GNS: variants seen among roughly 807,000 people sequenced by gnomAD.
GNS encodes the protein glucosamine (N-acetyl)-6-sulfatase.
A neutral mutation model predicts 69.7 loss-of-function variants in GNS; 40 were observed. The ratio of observed to expected loss-of-function variants is 0.57; its 90% CI spans 0.45 to 0.75. The LOEUF is 0.75. GNS is among the 30% of genes least tolerant of loss of function. The probability of loss-of-function intolerance (pLI) is 0.00; values close to 1 mark genes in which losing one functional copy is unlikely to be tolerated. For missense variants in GNS, 565 were observed against 685.5 expected (o/e 0.82, Z 1.96); for synonymous variants, 243 against 251.6 (o/e 0.97, Z 0.32).
chr12:64,729,837 C>G (rs542416457), intron 9 of GNS, among the ~76,000 whole-genome samples: 2 of 152,146 alleles, frequency 1.3e-5, no homozygotes, highest in Admixed American at 1.3e-4. Flanking sequence ...ACAGGTAAAA[C>G]TGTATATATT....
chr12:64,754,609 C>A (rs576325100), intron 1 of GNS, among the ~76,000 whole-genome samples: 5 of 152,120 alleles, frequency 3.3e-5, no homozygotes, highest in Non-Finnish European at 7.4e-5. Flanking sequence ...AGACTTTAGG[C>A]CCGGTGCAGT....
chr12:64,759,247 C>T lies in GNS; in HGVS notation c.30G>A (p.Arg10=), dbSNP rs753033310. ...GGTGGCGGGGGCTGCCCCGCCGGAG[C>T]CGACCTGGGGCTAGAGGCAGGAGCC... is the stretch of plus-strand genomic sequence containing the variant. MRLLPLAPG[R]LRRGSPRHLP... Residue 10 remains arginine, a synonymous_variant, in exon 1 of 14, where the codon CGG becomes CGA. Transcript: ENST00000258145. 1.5e-4 allele frequency: 234 copies of T among 1,541,278 alleles called. 1 individual carries two copies. The highest frequency in any genetic ancestry group is 1.9e-4 in the Non-Finnish European group (218 of 1,142,938).
intron 2 of GNS, among the ~76,000 whole-genome samples, chr12:64,750,450 C>T (rs947398156): frequency 6.6e-6 from 1 of 152,150 alleles, no homozygotes; most frequent in African/African-American, 2.4e-5. Context: ...CCTGCCTCAG[C>T]CTCCTAACAT....
intron 8 of GNS, 70 bp from the exon 9 acceptor site, chr12:64,737,177 T>C: frequency 4.6e-6 from 4 of 869,018 alleles, no homozygotes; most frequent in Non-Finnish European, 7.9e-6. Context: ...GTTTCACTCA[T>C]TTAATCCACA....
chr12:64,752,013 C>CTCT (rs1289627868), intron 2 of GNS, among the ~76,000 whole-genome samples: 1 of 150,678 alleles, frequency 6.6e-6, no homozygotes, highest in Non-Finnish European at 1.5e-5. Context: ...GATAGAAGTG[C>CTCT]TCTACACCTA....
intron 2 of GNS, among the ~76,000 whole-genome samples, chr12:64,751,715 G>A (rs1375175502): frequency 5.9e-5 from 9 of 152,040 alleles, no homozygotes; most frequent in African/African-American, 1.4e-4. Context: ...GGCTGGGTGC[G>A]GTAGTTCATG....
In GNS at chr12:64,720,026, G is replaced by A. The variant is rs756948381; in HGVS notation, c.1576C>T (p.Pro526Ser). The change falls in exon 13 of 14, where the codon CCC becomes TCC. Residue 526 changes from proline (P) to serine (S), a missense_variant. Physicochemically the swap from Pro to Ser is moderately conservative, Grantham distance 74. Around this residue, in one of 2 missense-constraint regions of GNS, gnomAD observed 384 missense variants for 511.0 expected, o/e 0.75. Coordinates refer to ENST00000258145, the MANE Select transcript of GNS (RefSeq NM_002076.4). ...ATGAAGAGAAAGGAAACTTACCCGG[G>A]GTCAAAAACCCCTGGAGTGCGACAG... ...PTCRTPGVFD[P>S]GYRFDPRLMF... The A allele has an allele frequency of 3.1e-6, 5 of 1,611,204 alleles. No individual in the cohort carries two copies. Among genetic ancestry groups the A allele is most frequent in the Non-Finnish European group, 4.2e-6 (5 of 1,177,600 alleles).
rs1303458231 is a variant in GNS, at chr12:64,743,347, A to T, written c.625-39T>A. On this transcript the variant is annotated intron_variant, in intron 5 of 13. Transcript: ENST00000258145. ...AGATTTGTCATCTCCTACCTTACCC[A>T]ACAGATGAGTATTTAATAGATAAAT... 4.9e-6 allele frequency: 7 copies of T among 1,426,618 alleles called. No individual in the cohort carries two copies. In the Admixed American group the frequency reaches 8.4e-5, roughly 17 times the overall value. The allele number at this position is 1,426,618 out of a possible 1,614,324, so 88.4% of individuals were successfully genotyped here.
chr12:64,732,157 TTTTTTTTTGTTG>T lies in GNS; in HGVS notation c.1099-3112_1099-3101del, dbSNP rs1467632710. ...ACCTGCCACCACACCTGGCTAATTT[TTTTTTTTTGTTG>T]TTTTTTTTTTTTTTTTGAGACGGAG... On this transcript the variant is annotated intron_variant, in intron 9 of 13. Transcript: ENST00000258145. Among the ~76,000 whole-genome samples the T allele has an allele frequency of 4.0e-4, 39 of 97,550 alleles. 3 individuals are homozygous for T. The South Asian group carries it at 4.3e-3, about 11-fold the overall frequency. The allele number at this position is 97,550 out of a possible 152,430, so 64.0% of individuals were successfully genotyped here.
intron 3 of GNS, chr12:64,745,970 A>AT: frequency 1.9e-6 from 1 of 539,706 alleles, no homozygotes; most frequent in Non-Finnish European, 3.3e-6. Context: ...CAAGCTAAGA[A>AT]TTTAACAATT....
In GNS at chr12:64,723,088, C is replaced by T. The variant is rs759333610; in HGVS notation, c.1226G>A (p.Arg409Gln). 16 of 1,611,076 alleles carry T rather than the reference C, an allele frequency of 9.9e-6. No homozygotes were observed. The highest frequency in any genetic ancestry group is 8.8e-5 in the South Asian group (8 of 91,024). ...ILRGASNLTWRSDVLVEYQGE... is the reference protein window; with the variant it reads ...ILRGASNLTWQSDVLVEYQGE... ...TTGGTATTCCACCAGGACATCTGAT[C>T]GCCAGGTCAAGTTACTGGCACCTCT... The change falls in exon 11 of 14, where the codon CGA (arginine) becomes CAA (glutamine). Residue 409 changes from arginine (R) to glutamine (Q), a missense_variant. Physicochemically the swap from Arg to Gln is conservative, Grantham distance 43. Coordinates refer to ENST00000258145, the MANE Select transcript of GNS (RefSeq NM_002076.4).
chr12:64,750,716 AAC>A (rs1262670866), intron 2 of GNS, among the ~76,000 whole-genome samples: 3 of 151,978 alleles, frequency 2.0e-5, no homozygotes, highest in Non-Finnish European at 2.9e-5. Flanking sequence ...CAGCCTGAGC[AAC>A]AGAGTGAGAC....
intron 2 of GNS, among the ~76,000 whole-genome samples, chr12:64,749,902 G>A (rs1870023034): frequency 1.4e-5 from 2 of 146,466 alleles, no homozygotes; most frequent in Admixed American, 6.8e-5. Flanking sequence ...TTGAGACAGG[G>A]TCTTACTCTG....
intron 4 of GNS, among the ~76,000 whole-genome samples, chr12:64,745,215 T>A (rs1422263535): frequency 7.2e-6 from 1 of 139,424 alleles, no homozygotes; most frequent in Admixed American, 7.3e-5. Flanking sequence ...TTTTTTTTTT[T>A]TTTTTTTTTT....
intron 4 of GNS, among the ~76,000 whole-genome samples, chr12:64,745,115 T>G (rs191582577): frequency 5.3e-4 from 79 of 149,870 alleles, no homozygotes; most frequent in African/African-American, 1.8e-3. Flanking sequence ...AAGCCAGAAG[T>G]AGATCAGGTA....
In GNS at chr12:64,739,416, TA is replaced by T; in HGVS notation, c.958del (p.Tyr320ThrfsTer19). 6.3e-7 allele frequency: 1 copy of T among 1,592,492 alleles called. No individual in the cohort carries two copies. Among genetic ancestry groups the T allele is most frequent in the Non-Finnish European group, 8.6e-7 (1 of 1,160,364 alleles). ...GCCATTGTCTGAGGTATAGAAGATG[TA>T]AGTGTTGTTGAGCTCCCCAGTGAAC... Reference protein sequence around the residue: ...LEFTGELNNTYIFYTSDNGYH... With the variant: ...LEFTGELNNTXIFYTSDNGYH... On this transcript the variant is annotated frameshift_variant, in exon 8 of 14. Coordinates refer to ENST00000258145, the MANE Select transcript of GNS (RefSeq NM_002076.4). LOFTEE classifies it high-confidence loss of function.
intron 6 of GNS, among the ~76,000 whole-genome samples, chr12:64,741,309 C>A (rs888553756): frequency 6.6e-6 from 1 of 150,980 alleles, no homozygotes; most frequent in African/African-American, 2.4e-5. Context: ...GATCGCACTA[C>A]TACACTCCAG....
At position 64,716,279 on chromosome 12, in the gene GNS, G is replaced by A; in HGVS notation, c.*462C>T. The A allele has an allele frequency of 9.0e-6, 2 of 221,014 alleles. No individual in the cohort carries two copies. Among genetic ancestry groups the A allele is most frequent in the South Asian group, 1.4e-4 (2 of 13,984 alleles). The allele number at this position is 221,014 out of a possible 1,614,324, so 13.7% of individuals were successfully genotyped here. ...TTACTCTTCAAGCCATGTGATGTTA[G>A]TATTTTTGATAGTGAAGTGCTCAAT... On this transcript the variant is annotated 3_prime_UTR_variant, in exon 14 of 14. Coordinates refer to ENST00000258145, the MANE Select transcript of GNS (RefSeq NM_002076.4).
Position 64,743,242 on chromosome 12 carries a change from T to A in GNS, c.691A>T (p.Thr231Ser), listed in dbSNP as rs1173972692. The A allele has an allele frequency of 1.9e-6, 3 of 1,612,524 alleles. No homozygotes were observed. In the Admixed American group the frequency reaches 5.0e-5, roughly 27 times the overall value. ...NFEPFFMMIATPAPHSPWTAA... is the reference protein window; with the variant it reads ...NFEPFFMMIASPAPHSPWTAA... Reference sequence around the variant, plus strand: ...GTCCAAGGCGAATGAGGCGCTGGAGTGGCGATCATCATGAAGAAGGGCTCA... The same window carrying A: ...GTCCAAGGCGAATGAGGCGCTGGAGAGGCGATCATCATGAAGAAGGGCTCA... Residue 231 changes from threonine to serine, a missense_variant, in exon 6 of 14, where the codon ACT (threonine) becomes TCT (serine). Transcript: ENST00000258145.
Sources: allele counts gnomAD v4.1 joint callset (sites outside exome capture counted in the v4.1 genomes callset), GRCh38; gene constraint gnomAD v4.1.1; regional missense constraint gnomAD v4.1.1; transcripts MANE v1.5; gene names NCBI Gene and HGNC (gene_info 2026-07-23, HGNC 2026-07-21).